The following MIR2052HG variants were observed in gnomAD, a reference collection of about 807,000 sequenced individuals.
The protein encoded by MIR2052HG is MIR2052 host gene.
rs73687273 is a variant in MIR2052HG at position 74,754,806 on chromosome 8, A to G, written n.464+2273A>G. On this transcript the variant is annotated intron_variant and non_coding_transcript_variant, in intron 5 of 6. Coordinates refer to ENST00000523442, the Ensembl canonical transcript of MIR2052HG. The stretch of plus-strand genomic sequence containing the variant: ...CTTCCTGGATGATTTGAAGTTATTT[A>G]TTTTGTCCCATTGTACCTGCCTTTT... Among the ~76,000 whole-genome samples the G allele has an allele frequency of 6.1e-3, 933 of 152,266 alleles. 9 individuals carry two copies. Among genetic ancestry groups the G allele is most frequent in the African/African-American group, 0.02 (834 of 41,552 alleles).
At position 74,603,559 on chromosome 8, in the gene MIR2052HG, C is replaced by G. The variant is rs1808057495; in HGVS notation, n.128+3651C>G. On this transcript the variant is annotated intron_variant and non_coding_transcript_variant, in intron 1 of 6. Transcript: ENST00000523442. ...AGATGTATCCAAACCTGCACTGAAT[C>G]CAGTGTTGCCATGCGTCATGGGAAA... is the stretch of plus-strand genomic sequence containing the variant. The G allele has an allele frequency of 3.3e-6, 5 of 1,531,822 alleles. No individual in the cohort carries two copies. In the African/African-American group the frequency reaches 4.1e-5, roughly 13 times the overall value. The allele number at this position is 1,531,822 out of a possible 1,614,324, so 94.9% of individuals were successfully genotyped here. A position where few individuals can be genotyped will look rare whatever the true frequency, so the allele number is the denominator to read the frequency against.
At chr8:74,738,538 C>T (rs767848218) in intron 4 of MIR2052HG, among the ~76,000 whole-genome samples, 24 of 152,158 alleles carry the variant, frequency 1.6e-4, no homozygotes, top group Admixed American at 2.6e-4. Flanking sequence ...AGTTACAGCT[C>T]TATATCAGAA....
At chr8:74,720,391 T>C (rs1372922936) in intron 4 of MIR2052HG, among the ~76,000 whole-genome samples, 1 of 152,212 alleles carries the variant, frequency 6.6e-6, no homozygotes, top group Non-Finnish European at 1.5e-5. Flanking sequence ...GTGGTAAATA[T>C]GTAGTCAATG....
At chr8:74,666,279 T>C (rs1330141337) in intron 2 of MIR2052HG, among the ~76,000 whole-genome samples, 1 of 152,140 alleles carries the variant, frequency 6.6e-6, no homozygotes, top group African/African-American at 2.4e-5. Context: ...TAAAATCACA[T>C]AATTCTTTTA....
intron 4 of MIR2052HG, among the ~76,000 whole-genome samples, chr8:74,729,063 GA>G (rs1809664689): frequency 6.6e-6 from 1 of 152,112 alleles, no homozygotes; most frequent in Non-Finnish European, 1.5e-5. Flanking sequence ...GTTTTAAGGG[GA>G]AAAATATTAT....
chr8:74,643,587 CA>C (rs566959077), intron 2 of MIR2052HG, among the ~76,000 whole-genome samples: 241 of 152,226 alleles, frequency 1.6e-3, no homozygotes, highest in Admixed American at 2.7e-3. Flanking sequence ...AAAGAAGTAT[CA>C]AATTATTCTA....
chr8:74,751,275 C>T (rs1007796340), intron 4 of MIR2052HG, among the ~76,000 whole-genome samples: 4 of 152,168 alleles, frequency 2.6e-5, no homozygotes, highest in Non-Finnish European at 4.4e-5. Flanking sequence ...CATTTTTGTG[C>T]TATTTCTTGC....
intron 2 of MIR2052HG, among the ~76,000 whole-genome samples, chr8:74,682,401 G>T (rs1213377119): frequency 2.0e-5 from 3 of 151,834 alleles, no homozygotes; most frequent in South Asian, 4.1e-4. Context: ...AACTGAAAAA[G>T]AATTTGTATC....
rs10647233 is a variant in MIR2052HG, at chr8:74,719,849, C to CTTTTTTTTTTT, written n.371+16174_371+16184dup. ...TCCTTCTTTTTTTTTTTTCTTTTTT[C>CTTTTTTTTTTT]TTTTTTTTTTTTTTTTTGAGAGGGA... On this transcript the variant is annotated intron_variant and non_coding_transcript_variant, in intron 4 of 6. Coordinates refer to ENST00000523442, the Ensembl canonical transcript of MIR2052HG. Among the ~76,000 whole-genome samples the CTTTTTTTTTTT allele has an allele frequency of 1.9e-4, 20 of 106,736 alleles. 1 individual carries two copies. The highest frequency in any genetic ancestry group is 6.2e-4 in the East Asian group (2 of 3,214). 70.0% of individuals were successfully genotyped at this position (106,736 alleles called of 152,430 possible). A position where few individuals can be genotyped will look rare whatever the true frequency, so the allele number is the denominator to read the frequency against.
intron 2 of MIR2052HG, among the ~76,000 whole-genome samples, chr8:74,683,725 C>T (rs1488250534): frequency 6.6e-6 from 1 of 152,098 alleles, no homozygotes; most frequent in Non-Finnish European, 1.5e-5. Flanking sequence ...GGCTGTGTTA[C>T]AATCACAGTG....
chr8:74,715,614 A>T (rs1006030107), intron 4 of MIR2052HG, among the ~76,000 whole-genome samples: 4 of 151,792 alleles, frequency 2.6e-5, no homozygotes, highest in Admixed American at 6.6e-5. Context: ...CAAATAGATT[A>T]AAAAAAAATT....
At chr8:74,612,561 T>C in intron 1 of MIR2052HG, 1 of 254,360 alleles carries the variant, frequency 3.9e-6, no homozygotes, top group Non-Finnish European at 7.8e-6. Context: ...TTTATATACA[T>C]GTAATCTGGA....
At chr8:74,737,119 T>C (rs1809774445) in intron 4 of MIR2052HG, among the ~76,000 whole-genome samples, 1 of 152,166 alleles carries the variant, frequency 6.6e-6, no homozygotes, top group Non-Finnish European at 1.5e-5. Context: ...GGAATCTTCA[T>C]TTGCATAGAA....
chr8:74,614,371 C>G (rs191812939), intron 2 of MIR2052HG, among the ~76,000 whole-genome samples: 1 of 152,110 alleles, frequency 6.6e-6, no homozygotes, highest in Non-Finnish European at 1.5e-5. Flanking sequence ...TACCTGTTCT[C>G]TAAGACAGTG....
chr8:74,721,836 G>A (rs993187184), intron 4 of MIR2052HG, among the ~76,000 whole-genome samples: 1 of 152,126 alleles, frequency 6.6e-6, no homozygotes, highest in Non-Finnish European at 1.5e-5. Context: ...TGAAGGGGAG[G>A]AATTGTAGGA....
At chr8:74,679,021 A>G (rs1563530066) in intron 2 of MIR2052HG, among the ~76,000 whole-genome samples, 1 of 152,240 alleles carries the variant, frequency 6.6e-6, no homozygotes, top group Non-Finnish European at 1.5e-5. Flanking sequence ...AAAAATTTTT[A>G]TCAGAATTGG....
chr8:74,728,962 A>C (rs73687260), intron 4 of MIR2052HG, among the ~76,000 whole-genome samples: 1,649 of 152,278 alleles, frequency 0.011, 31 homozygotes, highest in African/African-American at 0.037. Flanking sequence ...CTTTTCCCTG[A>C]AAGTAAATGG....
intron 2 of MIR2052HG, among the ~76,000 whole-genome samples, chr8:74,684,420 A>G (rs1809158463): frequency 1.3e-5 from 2 of 152,138 alleles, no homozygotes; most frequent in Admixed American, 1.3e-4. Context: ...ATCAAGTCAT[A>G]TAGCAAATGT....
At chr8:74,740,837 C>T (rs1809817893) in intron 4 of MIR2052HG, among the ~76,000 whole-genome samples, 1 of 152,154 alleles carries the variant, frequency 6.6e-6, no homozygotes, top group South Asian at 2.1e-4. Context: ...TTGATTGTAA[C>T]ACTCAAATAC....
Sources: allele counts gnomAD v4.1 joint callset (sites outside exome capture counted in the v4.1 genomes callset), GRCh38; gene constraint gnomAD v4.1.1; transcripts MANE v1.5; gene names NCBI Gene and HGNC (gene_info 2026-07-23, HGNC 2026-07-21).